PCDHGB2: variants seen among roughly 807,000 people sequenced by gnomAD.
The protein encoded by PCDHGB2 is protocadherin gamma subfamily B, 2.
Under a neutral mutation model 59.3 loss-of-function variants are expected in PCDHGB2, and 55 were observed. The ratio of observed to expected loss-of-function variants is 0.93; its 90% confidence interval spans 0.75 to 1.16. PCDHGB2 has a LOEUF of 1.16. Among genes scored for constraint, PCDHGB2 ranks in the 50% most tolerant of loss-of-function variants. PCDHGB2 has a pLI of 0.00. For missense variants in PCDHGB2, 1,228 were observed against 1,198.5 expected (o/e 1.02, Z -0.36); for synonymous variants, 516 against 512.0 (o/e 1.01, Z -0.11).
rs1485764871 is a variant in PCDHGB2, at chr5:141,486,709, C to A, written c.2422-8098C>A. On this transcript the variant is annotated intron_variant, in intron 1 of 3. Coordinates refer to ENST00000522605, the MANE Select transcript of PCDHGB2 (RefSeq NM_018923.3). The surrounding 1 kb of genome is among the most constrained non-coding windows in gnomAD (Gnocchi z 5.0). ...CTTCCTCTTTCATCTCTCTGAACCC[C>A]CAGACAGGAGCTGTTCATGCTACTC... 6.2e-7 allele frequency: 1 copy of A among 1,614,182 alleles called. No homozygotes were observed. Among genetic ancestry groups the A allele is most frequent in the Admixed American group, 1.7e-5 (1 of 60,022 alleles).
chr5:141,420,050 C>A, intron 1 of PCDHGB2: 1 of 1,614,076 alleles, frequency 6.2e-7, no homozygotes. Context: ...TGAGTCAGTT[C>A]TCTGCTCCAA....
rs764692908 is a variant in PCDHGB2 at position 141,431,246 on chromosome 5, G to C, written c.2422-63561G>C. On this transcript the variant is annotated intron_variant, in intron 1 of 3. Coordinates refer to ENST00000522605, the MANE Select transcript of PCDHGB2 (RefSeq NM_018923.3). The surrounding 1 kb of genome is among the most constrained non-coding windows in gnomAD (Gnocchi z 4.8). ...ACCCCACGCCTGGGATCCGGATATC[G>C]GGAAGAACTCTCTGCAGAGCTACGA... 9 of 1,613,982 alleles carry C rather than the reference G, an allele frequency of 5.6e-6. No individual in the cohort carries two copies. Among genetic ancestry groups the C allele is most frequent in the Non-Finnish European group, 7.6e-6 (9 of 1,180,050 alleles).
chr5:141,438,658 G>GTA (rs2098048375), intron 1 of PCDHGB2, among the ~76,000 whole-genome samples: 7 of 77,996 alleles, frequency 9.0e-5, no homozygotes, highest in African/African-American at 1.9e-4. Flanking sequence ...ACACATATAT[G>GTA]TATATATATA....
intron 1 of PCDHGB2, chr5:141,418,096 G>A (rs772001018): frequency 6.2e-7 from 1 of 1,614,078 alleles, no homozygotes; most frequent in East Asian, 2.2e-5. Context: ...GCGTAGACGC[G>A]CAGAGCGGGG....
intron 1 of PCDHGB2, chr5:141,410,447 C>G (rs760711107): frequency 1.2e-6 from 2 of 1,613,984 alleles, no homozygotes; most frequent in Non-Finnish European, 1.7e-6. Context: ...GGGGACTTTG[C>G]CTTATTCTTA....
At chr5:141,395,205 C>T (rs770683946) in intron 1 of PCDHGB2, 2 of 1,613,660 alleles carry the variant, frequency 1.2e-6, no homozygotes, top group Non-Finnish European at 1.7e-6. Flanking sequence ...CGTAGATTTT[C>T]ATGAATATAA....
chr5:141,410,320 C>T (rs752279818), intron 1 of PCDHGB2: 54 of 1,613,880 alleles, frequency 3.3e-5, no homozygotes, highest in Non-Finnish European at 4.5e-5. Context: ...TCCTCCTCGC[C>T]GTGATTCTGG....
At chr5:141,466,004 C>T (rs1336655723) in intron 1 of PCDHGB2, among the ~76,000 whole-genome samples, 1 of 151,920 alleles carries the variant, frequency 6.6e-6, no homozygotes, top group Non-Finnish European at 1.5e-5. Flanking sequence ...CACCTGTAGT[C>T]CCAGCTACTC....
At chr5:141,426,850 C>T in intron 1 of PCDHGB2, 1 of 456,734 alleles carries the variant, frequency 2.2e-6, no homozygotes. Context: ...GGCAAGAACG[C>T]TCCAGAATTA....
At chr5:141,416,405 T>C (rs948190812) in intron 1 of PCDHGB2, 1 of 152,200 alleles carries the variant, frequency 6.6e-6, no homozygotes, top group Non-Finnish European at 1.5e-5. Context: ...TTTGTCTTTT[T>C]TGTTAAATTT....
Position 141,476,187 on chromosome 5 carries a change from G to A in PCDHGB2, c.2422-18620G>A. 6.2e-7 allele frequency: 1 copy of A among 1,613,782 alleles called. No individual in the cohort carries two copies. The highest frequency in any genetic ancestry group is 1.1e-5 in the South Asian group (1 of 91,072). ...GTAGTGGGAGTTTTGCTTCTGCTTG[G>A]TGCCTTGAACAAGGCTTCCACGGTC... On this transcript the variant is annotated intron_variant, in intron 1 of 3. Coordinates refer to ENST00000522605, the MANE Select transcript of PCDHGB2 (RefSeq NM_018923.3). This position sits in a 1 kb window ranked among gnomAD's most constrained non-coding sequence, Gnocchi z 7.6.
In PCDHGB2 at chr5:141,511,032, G is replaced by A; in HGVS notation, c.2655G>A (p.Gln885=). 1.2e-6 allele frequency: 2 copies of A among 1,614,228 alleles called. No homozygotes were observed. The highest frequency in any genetic ancestry group is 2.2e-5 in the East Asian group (1 of 44,888). The change falls in exon 4 of 4, where the codon CAG becomes CAA. Residue 885 remains glutamine, a synonymous_variant. Transcript: ENST00000522605. Reference sequence around the variant, plus strand: ...GCTACGGACCCCAGTTCACCCTGCAGCACGTGCCCGACTACCGCCAGAATG... The same window carrying A: ...GCTACGGACCCCAGTTCACCCTGCAACACGTGCCCGACTACCGCCAGAATG... ...SARYGPQFTL[Q]HVPDYRQNVY...
intron 1 of PCDHGB2, among the ~76,000 whole-genome samples, chr5:141,444,058 C>A (rs2154560450): frequency 6.8e-6 from 1 of 147,774 alleles, no homozygotes; most frequent in East Asian, 2.0e-4. Context: ...CATCTTCAAT[C>A]TAGATTCTGA....
chr5:141,479,568 G>A (rs553213095), intron 1 of PCDHGB2: 2 of 152,346 alleles, frequency 1.3e-5, no homozygotes, highest in East Asian at 3.9e-4. Context: ...GTAGTGGGAT[G>A]ACATCTGTGA....
intron 1 of PCDHGB2, among the ~76,000 whole-genome samples, chr5:141,481,886 C>T (rs575190135): frequency 6.9e-6 from 1 of 145,360 alleles, no homozygotes; most frequent in South Asian, 2.2e-4. Context: ...TGCACTCCAG[C>T]CTGGGTGAAA....
At chr5:141,408,008 C>A in intron 1 of PCDHGB2, 2 of 949,842 alleles carry the variant, frequency 2.1e-6, no homozygotes, top group Non-Finnish European at 3.0e-6. Context: ...GGATTCCCTG[C>A]GCAGCCAACA....
At chr5:141,414,949 G>C (rs774769957) in intron 1 of PCDHGB2, 13 of 1,613,978 alleles carry the variant, frequency 8.1e-6, no homozygotes, top group African/African-American at 1.3e-5. Context: ...CGGCTACCTG[G>C]TGACCAAGGT....
intron 1 of PCDHGB2, chr5:141,384,066 C>T (rs754340033): frequency 1.6e-5 from 25 of 1,606,462 alleles, no homozygotes; most frequent in Non-Finnish European, 2.0e-5. Context: ...TTCCAGAAAA[C>T]CTACCTTTTA....
intron 1 of PCDHGB2, chr5:141,383,331 G>T: frequency 1.2e-6 from 2 of 1,613,992 alleles, no homozygotes; most frequent in Non-Finnish European, 1.7e-6. Context: ...AAATAATGGA[G>T]AATACAGCTC....
Sources: gnomAD v4.1 joint callset for allele counts (sites outside exome capture counted in the v4.1 genomes callset) on GRCh38, gnomAD v4.1.1 for gene constraint, Gnocchi (gnomAD v3.1) non-coding constraint, MANE v1.5 for transcripts, NCBI Gene and HGNC (gene_info 2026-07-23, HGNC 2026-07-21) for gene names.